Variants in TLL2 observed in about 807,000 individuals in gnomAD.
The protein encoded by TLL2 is tolloid like 2.
Under a neutral mutation model 123.0 loss-of-function variants are expected in TLL2, and 106 were observed. The observed-to-expected ratio is 0.86, with a 90% CI of 0.74 to 1.01. The LOEUF (loss-of-function observed/expected upper bound fraction) is 1.01, where lower values mean the gene tolerates loss of function less well. Ranked by LOEUF, TLL2 falls within the 50% of genes least tolerant of loss-of-function variation. TLL2 has a pLI of 0.00. For missense variants in TLL2, 1,332 were observed against 1,336.7 expected, an observed-to-expected ratio of 1.00 and a Z score of 0.06; for synonymous variants, 494 against 516.8, an observed-to-expected ratio of 0.96 and a Z score of 0.60.
At chr10:96,464,542 A>G (rs1416975359) in intron 2 of TLL2, among the ~76,000 whole-genome samples, 1 of 152,112 alleles carries the variant, frequency 6.6e-6, no homozygotes, top group Non-Finnish European at 1.5e-5. Context: ...TGGATTACTC[A>G]CTTAGCACGT....
At chr10:96,509,926 G>A (rs1003792870) in intron 1 of TLL2, among the ~76,000 whole-genome samples, 1 of 152,190 alleles carries the variant, frequency 6.6e-6, no homozygotes, top group African/African-American at 2.4e-5. Context: ...CAGCCTGGGC[G>A]ACAGAGCGAG....
At chr10:96,476,883 C>CAG (rs1847262017) in intron 2 of TLL2, among the ~76,000 whole-genome samples, 2 of 148,760 alleles carry the variant, frequency 1.3e-5, no homozygotes, top group African/African-American at 2.6e-5. Flanking sequence ...CACACACACA[C>CAG]ACACACACAC....
rs1354600179 is a variant in TLL2, at chr10:96,366,579, A to C, written c.*1509T>G. 4 of 152,648 alleles carry C rather than the reference A, an allele frequency of 2.6e-5. No homozygotes were observed. The highest frequency in any genetic ancestry group is 5.9e-5 in the Non-Finnish European group (4 of 68,030). 9.5% of individuals were successfully genotyped at this position (152,648 alleles called of 1,614,324 possible). A position where few individuals can be genotyped will look rare whatever the true frequency, so the allele number is the denominator to read the frequency against. On this transcript the variant is annotated 3_prime_UTR_variant, in exon 21 of 21. Transcript: ENST00000357947. ...CTCCCAGCAATCACTTTAATGAGACACAGTCCTCTGGTGCCACATTCTGAT... is the reference window on the plus strand; with the variant it reads ...CTCCCAGCAATCACTTTAATGAGACCCAGTCCTCTGGTGCCACATTCTGAT...
rs150813512 is a variant in TLL2 at position 96,468,005 on chromosome 10, T to C, written c.286+12344A>G. On this transcript the variant is annotated intron_variant, in intron 2 of 20. Transcript: ENST00000357947. ...ATGACAACAGCATTATAAATGGCCA[T>C]GTGGGGGTGGTACTCCCAGGCTTGG... is the stretch of plus-strand genomic sequence containing the variant. Among the ~76,000 whole-genome samples the C allele has an allele frequency of 4.6e-3, 697 of 152,288 alleles. 8 individuals carry two copies. Among genetic ancestry groups the C allele is most frequent in the African/African-American group, 0.015 (639 of 41,546 alleles).
At chr10:96,392,385 T>C (rs530153619) in intron 13 of TLL2, among the ~76,000 whole-genome samples, 1 of 152,268 alleles carries the variant, frequency 6.6e-6, no homozygotes, top group Admixed American at 6.5e-5. Flanking sequence ...TATGTGATAT[T>C]TGGGACACAT....
chr10:96,370,458 A>C, intron 19 of TLL2, 143 bp from the exon 20 acceptor site: 1 of 1,198,252 alleles, frequency 8.3e-7, no homozygotes. Flanking sequence ...TTGATGGAGG[A>C]GTACACAGAG....
At chr10:96,495,741 C>T (rs2134111697) in intron 1 of TLL2, among the ~76,000 whole-genome samples, 1 of 152,188 alleles carries the variant, frequency 6.6e-6, no homozygotes, top group South Asian at 2.1e-4. Context: ...AATCACGCCT[C>T]CTGGATCTTT....
At position 96,384,715 on chromosome 10, in the gene TLL2, T is replaced by G. The variant is rs1589407706; in HGVS notation, c.2066A>C (p.Lys689Thr). The change falls in exon 16 of 21, where the codon AAG becomes ACG. Residue 689 changes from lysine to threonine, a missense_variant. Physicochemically the swap from Lys to Thr is moderately conservative, Grantham distance 78. Transcript: ENST00000357947. ...AGAGCCGCAGAACCTGCCGTGCAGC[T>G]TGGCGTCGGGGGACAGGCCGCTGCG... ...EVRSGLSPDAKLHGRFCGSET... is the reference protein window; with the variant it reads ...EVRSGLSPDATLHGRFCGSET... 1 of 1,611,514 alleles carries G rather than the reference T, an allele frequency of 6.2e-7. No homozygotes were observed. Among genetic ancestry groups the G allele is most frequent in the Non-Finnish European group, 8.5e-7 (1 of 1,178,400 alleles).
At chr10:96,381,795 G>A (rs1846188816) in intron 16 of TLL2, among the ~76,000 whole-genome samples, 1 of 152,050 alleles carries the variant, frequency 6.6e-6, no homozygotes, top group Admixed American at 6.6e-5. Context: ...GTAGTGTACT[G>A]TGCCCACAGC....
intron 1 of TLL2, among the ~76,000 whole-genome samples, chr10:96,488,110 G>A (rs1847374799): frequency 6.6e-6 from 1 of 152,208 alleles, no homozygotes; most frequent in African/African-American, 2.4e-5. Flanking sequence ...GCGAGCATCA[G>A]CTGAGATAAT....
chr10:96,415,559 C>T lies in TLL2; in HGVS notation c.924-2243G>A, dbSNP rs150829883. On this transcript the variant is annotated intron_variant, in intron 7 of 20. Coordinates refer to ENST00000357947, the MANE Select transcript of TLL2 (RefSeq NM_012465.4). Reference sequence around the variant, plus strand: ...GGAGACTGGGTGTTTTATCTCTGTCCTTAGAAACTACAGCACAGCAGACCT... The same window carrying T: ...GGAGACTGGGTGTTTTATCTCTGTCTTTAGAAACTACAGCACAGCAGACCT... 4.8e-3 allele frequency among the ~76,000 whole-genome samples: 721 copies of T among 151,448 alleles called. 7 individuals are homozygous for T. The highest frequency in any genetic ancestry group is 0.016 in the African/African-American group (670 of 41,270).
At chr10:96,513,429 G>A (rs540045613) in intron 1 of TLL2, 82 bp downstream of exon 1, 1 of 1,565,118 alleles carries the variant, frequency 6.4e-7, no homozygotes, top group African/African-American at 1.4e-5. Flanking sequence ...CCGCCCCATA[G>A]ACGGTAGTGC....
At chr10:96,498,706 T>G (rs1207071325) in intron 1 of TLL2, among the ~76,000 whole-genome samples, 1 of 152,210 alleles carries the variant, frequency 6.6e-6, no homozygotes, top group Non-Finnish European at 1.5e-5. Context: ...AAGAAGCTGG[T>G]TCTCACACAT....
chr10:96,369,905 G>C (rs1846062099), intron 20 of TLL2, among the ~76,000 whole-genome samples, 160 bp downstream of exon 20: 3 of 152,170 alleles, frequency 2.0e-5, no homozygotes, highest in Non-Finnish European at 4.4e-5. Context: ...CTCTCCTGAC[G>C]GTTCTCCTGC....
chr10:96,510,173 T>TAGGC lies in TLL2; in HGVS notation c.175+3334_175+3337dup, dbSNP rs543845655. Reference sequence around the variant, plus strand: ...TCAGCTTAAAACTTGTGGGTGAGGATAGGCAGGCAGGCAGGAACAGTCCTC... The same window carrying TAGGC: ...TCAGCTTAAAACTTGTGGGTGAGGATAGGCAGGCAGGCAGGCAGGAACAGTCCTC... On this transcript the variant is annotated intron_variant, in intron 1 of 20. Transcript: ENST00000357947. 1.9e-3 allele frequency among the ~76,000 whole-genome samples: 282 copies of TAGGC among 152,240 alleles called. 2 individuals are homozygous for TAGGC. Among genetic ancestry groups the TAGGC allele is most frequent in the African/African-American group, 6.7e-3 (278 of 41,520 alleles).
At chr10:96,491,106 C>A (rs915358432) in intron 1 of TLL2, among the ~76,000 whole-genome samples, 1 of 152,146 alleles carries the variant, frequency 6.6e-6, no homozygotes, top group Non-Finnish European at 1.5e-5. Flanking sequence ...TCCGGCTGGG[C>A]GCGGTGGCTT....
intron 1 of TLL2, among the ~76,000 whole-genome samples, chr10:96,501,633 A>G (rs540768986): frequency 2.8e-4 from 43 of 152,294 alleles, no homozygotes; most frequent in African/African-American, 9.1e-4. Flanking sequence ...TAAATCTCCA[A>G]CTCCAGACAC....
intron 10 of TLL2, among the ~76,000 whole-genome samples, chr10:96,400,632 C>T (rs1589412486): frequency 6.6e-6 from 1 of 152,210 alleles, no homozygotes; most frequent in Non-Finnish European, 1.5e-5. Context: ...AGTAGCCGGG[C>T]CACACGACAC....
chr10:96,476,240 A>ATTCTTTTTTTTTT (rs1554939626), intron 2 of TLL2, among the ~76,000 whole-genome samples: 1 of 20,502 alleles, frequency 4.9e-5, no homozygotes, highest in Admixed American at 5.2e-4. Flanking sequence ...ATATATATAT[A>ATTCTTTTTTTTTT]TTTTATTTTT....
Sources: allele counts gnomAD v4.1 joint callset (sites outside exome capture counted in the v4.1 genomes callset), GRCh38; gene constraint gnomAD v4.1.1; transcripts MANE v1.5; gene names NCBI Gene and HGNC (gene_info 2026-07-23, HGNC 2026-07-21).